The following GOLM1 variants were observed in gnomAD, a reference collection of about 807,000 sequenced individuals.
The protein encoded by GOLM1 is golgi membrane protein 1.
GOLM1 carries 31 observed loss-of-function variants against 50.5 expected under a neutral mutation model. That is an observed-to-expected ratio of 0.61 (90% confidence interval 0.46 to 0.83). The LOEUF (loss-of-function observed/expected upper bound fraction) is 0.83. Ranked by LOEUF, GOLM1 falls within the 40% of genes least tolerant of loss-of-function variation. The pLI, the probability that GOLM1 is intolerant of heterozygous loss-of-function variation, is 0.00. For synonymous variants in GOLM1, 178 were observed against 192.8 expected (o/e 0.92, Z 0.64); for missense variants, 491 against 501.3 (o/e 0.98, Z 0.20).
intron 3 of GOLM1, among the ~76,000 whole-genome samples, chr9:86,074,416 A>T (rs1006027980): frequency 6.6e-6 from 1 of 152,174 alleles, no homozygotes; most frequent in Non-Finnish European, 1.5e-5. Context: ...AAAGGTAAAC[A>T]AGCTAGCATG....
chr9:86,062,732 G>T (rs2118791816), intron 3 of GOLM1, among the ~76,000 whole-genome samples: 2 of 151,858 alleles, frequency 1.3e-5, no homozygotes, highest in South Asian at 4.2e-4. Context: ...AGCAAACGGG[G>T]GGGGCTGCCC....
At chr9:86,037,859 T>G in intron 6 of GOLM1, among the ~76,000 whole-genome samples, 1 of 151,870 alleles carries the variant, frequency 6.6e-6, no homozygotes, top group East Asian at 1.9e-4. Context: ...GTCTGAGAGT[T>G]AAAAACCTGC....
intron 3 of GOLM1, among the ~76,000 whole-genome samples, chr9:86,058,189 C>T (rs1189689945): frequency 6.6e-6 from 1 of 152,094 alleles, no homozygotes; most frequent in East Asian, 1.9e-4. Flanking sequence ...CAGTGCTATT[C>T]AATAGAAATA....
In GOLM1 at chr9:86,031,711, C is replaced by T. The variant is rs143850050; in HGVS notation, c.1129+1571G>A. Reference sequence around the variant, plus strand: ...TCCTGACCTCAGGTGATCCACCATCCTCGGCCTCCCAAAGTGCTGGGTTAC... The same window carrying T: ...TCCTGACCTCAGGTGATCCACCATCTTCGGCCTCCCAAAGTGCTGGGTTAC... On this transcript the variant is annotated intron_variant, in intron 9 of 9. Transcript: ENST00000388712. Among the ~76,000 whole-genome samples the T allele has an allele frequency of 5.2e-3, 787 of 151,858 alleles. 4 individuals carry two copies. Among genetic ancestry groups the T allele is most frequent in the African/African-American group, 0.018 (752 of 41,456 alleles).
chr9:86,080,480 G>A (rs1834751372), intron 1 of GOLM1, among the ~76,000 whole-genome samples: 1 of 152,030 alleles, frequency 6.6e-6, no homozygotes, highest in South Asian at 2.1e-4. Context: ...GAAAGGGGAT[G>A]GTGGGCAAAA....
intron 1 of GOLM1, among the ~76,000 whole-genome samples, chr9:86,094,977 G>C (rs1835309842): frequency 6.6e-6 from 1 of 151,812 alleles, no homozygotes; most frequent in African/African-American, 2.4e-5. Context: ...CAGATAGTTG[G>C]GAGGCTGACG....
At chr9:86,090,325 G>A (rs978734411) in intron 1 of GOLM1, among the ~76,000 whole-genome samples, 3 of 152,202 alleles carry the variant, frequency 2.0e-5, no homozygotes, top group Admixed American at 6.5e-5. Context: ...GAACATTTAA[G>A]TCTGCTGAAG....
intron 3 of GOLM1, among the ~76,000 whole-genome samples, chr9:86,053,229 C>CCA (rs200553272): frequency 0.053 from 6,847 of 129,898 alleles, 212 homozygotes; most frequent in Middle Eastern, 0.11. Flanking sequence ...CCACTCCACA[C>CCA]CACACATACC....
At chr9:86,040,203 T>C (rs1472077198) in intron 6 of GOLM1, among the ~76,000 whole-genome samples, 2 of 152,152 alleles carry the variant, frequency 1.3e-5, no homozygotes, top group African/African-American at 4.8e-5. Context: ...TCAGAACCCA[T>C]GAATTGTAAA....
intron 3 of GOLM1, among the ~76,000 whole-genome samples, chr9:86,057,408 T>C (rs535627345): frequency 4.6e-5 from 7 of 152,176 alleles, no homozygotes; most frequent in East Asian, 1.9e-4. Flanking sequence ...CTGTAAAAAG[T>C]AGAAGGTGAC....
At chr9:86,035,096 G>A (rs1168895445) in intron 8 of GOLM1, 56 of 985,144 alleles carry the variant, frequency 5.7e-5, no homozygotes, top group Non-Finnish European at 6.5e-5. Context: ...TTGATGCTAA[G>A]CACCCATCTG....
At position 86,088,578 on chromosome 9, in the gene GOLM1, T is replaced by G. The variant is rs201469256; in HGVS notation, c.-21-9237A>C. ...GATTGCAACTCCTGGTTTTGTTTTT[T>G]TTTTTTTTTTGTTTTGTTTTTTTGC... On this transcript the variant is annotated intron_variant, in intron 1 of 9. Transcript: ENST00000388712. Among the ~76,000 whole-genome samples, 83 of 147,006 alleles carry G rather than the reference T, an allele frequency of 5.6e-4. No homozygotes were observed. In the East Asian group the frequency reaches 9.8e-3, roughly 17 times the overall value.
At chr9:86,049,813 CAG>C (rs1229402331) in intron 4 of GOLM1, among the ~76,000 whole-genome samples, 1 of 152,202 alleles carries the variant, frequency 6.6e-6, no homozygotes, top group African/African-American at 2.4e-5. Flanking sequence ...CATCTGCAAA[CAG>C]GGACAATTTG....
At position 86,038,073 on chromosome 9, in the gene GOLM1, C is replaced by G. The variant is rs12345750; in HGVS notation, c.598-1566G>C. 6.9e-3 allele frequency among the ~76,000 whole-genome samples: 1,045 copies of G among 151,440 alleles called. 14 individuals carry two copies. Among genetic ancestry groups the G allele is most frequent in the South Asian group, 0.033 (156 of 4,776 alleles). On this transcript the variant is annotated intron_variant, in intron 6 of 9. Coordinates refer to ENST00000388712, the MANE Select transcript of GOLM1 (RefSeq NM_016548.4). Reference sequence around the variant, plus strand: ...GGAGGCTGAGGCAGGAGAATTGCTTCAACCCGGGAGGCAGAGGTTGTGGTG... The same window carrying G: ...GGAGGCTGAGGCAGGAGAATTGCTTGAACCCGGGAGGCAGAGGTTGTGGTG...
chr9:86,090,786 CAAAAAAAA>C (rs776381865), intron 1 of GOLM1, among the ~76,000 whole-genome samples: 4 of 41,276 alleles, frequency 9.7e-5, no homozygotes, highest in Non-Finnish European at 2.0e-4. Flanking sequence ...ACTGGGGTAC[CAAAAAAAA>C]AAAAAAAAAA....
chr9:86,093,113 G>A, intron 1 of GOLM1, among the ~76,000 whole-genome samples: 1 of 152,122 alleles, frequency 6.6e-6, no homozygotes, highest in East Asian at 1.9e-4. Context: ...GTACACAGTG[G>A]CTCATGTGTA....
intron 3 of GOLM1, among the ~76,000 whole-genome samples, chr9:86,067,593 G>A (rs954410755): frequency 2.0e-5 from 3 of 152,204 alleles, no homozygotes; most frequent in African/African-American, 7.2e-5. Flanking sequence ...GAATGTAGAA[G>A]TGACCACACT....
At chr9:86,041,362 C>G (rs958526675) in intron 5 of GOLM1, among the ~76,000 whole-genome samples, 5 of 152,148 alleles carry the variant, frequency 3.3e-5, no homozygotes, top group African/African-American at 1.2e-4. Context: ...AAAGTTGGAA[C>G]TTTCAGCTCC....
intron 1 of GOLM1, among the ~76,000 whole-genome samples, chr9:86,095,074 TA>T (rs71372459): frequency 0.25 from 33,788 of 135,022 alleles, 6,686 homozygotes; most frequent in East Asian, 0.54. Context: ...AAACCCCGTC[TA>T]AAAAAAAAAA....
Sources: allele counts gnomAD v4.1 joint callset (sites outside exome capture counted in the v4.1 genomes callset), GRCh38; gene constraint gnomAD v4.1.1; transcripts MANE v1.5; gene names NCBI Gene and HGNC (gene_info 2026-07-23, HGNC 2026-07-21).